The following FTCDNL1 variants were observed in gnomAD, a reference collection of about 807,000 sequenced individuals.
FTCDNL1 encodes formiminotransferase N-terminal subdomain-containing protein.
In FTCDNL1, 11 loss-of-function variants were observed where a neutral mutation model predicts 5.9. That is an observed-to-expected ratio of 1.87 (90% confidence interval 1.18 to 3.10). The LOEUF (loss-of-function observed/expected upper bound fraction) is 3.10. Ranked by LOEUF, FTCDNL1 falls within the 30% of genes most tolerant of loss-of-function variation. FTCDNL1 has a pLI of 0.00. For synonymous variants in FTCDNL1, 58 were observed against 24.8 expected (o/e 2.34, Z -3.99); for missense variants, 115 against 65.5 (o/e 1.76, Z -2.61).
At chr2:199,693,297 T>C in the FTCDNL1 span, among the ~76,000 whole-genome samples, 1 of 152,218 alleles carries the variant, frequency 6.6e-6, no homozygotes, top group Non-Finnish European at 1.5e-5. Context: ...TGCATATTAA[T>C]ACTTGCCAAT....
the FTCDNL1 span, among the ~76,000 whole-genome samples, chr2:199,736,197 G>A: frequency 0.096 from 14,547 of 152,256 alleles, 894 homozygotes; most frequent in Middle Eastern, 0.14. Context: ...ATATTTGACA[G>A]TGATAAAGAG....
At chr2:199,756,240 A>T (rs1698068950), downstream of FTCDNL1, among the ~76,000 whole-genome samples, 1 of 152,228 alleles carries the variant, frequency 6.6e-6, no homozygotes. Flanking sequence ...TAAGCTTGTG[A>T]GACATACTTT....
chr2:199,843,551 G>A (rs1171674219), intron 3 of FTCDNL1, among the ~76,000 whole-genome samples: 1 of 152,250 alleles, frequency 6.6e-6, no homozygotes, highest in East Asian at 1.9e-4. Context: ...CATAAGTAGT[G>A]AGGTACTCCT....
At chr2:199,686,219 T>TTATC in the FTCDNL1 span, among the ~76,000 whole-genome samples, 1 of 151,460 alleles carries the variant, frequency 6.6e-6, no homozygotes, top group Non-Finnish European at 1.5e-5. Flanking sequence ...TCACATTTAT[T>TTATC]TTTGTTATGC....
At chr2:199,722,278 T>C in the FTCDNL1 span, among the ~76,000 whole-genome samples, 18 of 152,240 alleles carry the variant, frequency 1.2e-4, no homozygotes, top group African/African-American at 3.9e-4. Context: ...TTTAAGTCTT[T>C]GGTGCATCTT....
chr2:199,759,781 CA>C (rs1698196025), downstream of FTCDNL1, among the ~76,000 whole-genome samples: 1 of 151,998 alleles, frequency 6.6e-6, no homozygotes, highest in African/African-American at 2.4e-5. Flanking sequence ...CTGATAAAAC[CA>C]ATTGTTTCTC....
chr2:199,728,154 AT>A, the FTCDNL1 span, among the ~76,000 whole-genome samples: 30 of 152,182 alleles, frequency 2.0e-4, no homozygotes, highest in African/African-American at 7.2e-4. Flanking sequence ...GCCTTCCCCC[AT>A]GCTCTACTAT....
At chr2:199,825,911 G>C (rs1199155813) in intron 3 of FTCDNL1, among the ~76,000 whole-genome samples, 1 of 152,196 alleles carries the variant, frequency 6.6e-6, no homozygotes, top group Non-Finnish European at 1.5e-5. Flanking sequence ...ATGAGAAATG[G>C]GAGAATATTT....
intron 3 of FTCDNL1, among the ~76,000 whole-genome samples, chr2:199,788,891 T>C (rs1272660127): frequency 6.6e-6 from 1 of 152,028 alleles, no homozygotes; most frequent in Non-Finnish European, 1.5e-5. Context: ...GAGAATTCTA[T>C]GTGTAACTCT....
At chr2:199,838,361 T>G (rs1036820947) in intron 3 of FTCDNL1, among the ~76,000 whole-genome samples, 1 of 152,154 alleles carries the variant, frequency 6.6e-6, no homozygotes, top group African/African-American at 2.4e-5. Flanking sequence ...CCAAGAGAAG[T>G]AGGGACTTCC....
At chr2:199,696,836 G>T in the FTCDNL1 span, among the ~76,000 whole-genome samples, 1 of 152,154 alleles carries the variant, frequency 6.6e-6, no homozygotes, top group Admixed American at 6.5e-5. Flanking sequence ...GTAGAATTCA[G>T]AATCTGGATA....
At chr2:199,664,519 G>C in the FTCDNL1 span, among the ~76,000 whole-genome samples, 1 of 152,112 alleles carries the variant, frequency 6.6e-6, no homozygotes, top group East Asian at 1.9e-4. Flanking sequence ...AATAAAATTT[G>C]AAATAACAGA....
At position 199,767,455 on chromosome 2, in the gene FTCDNL1, T is replaced by C. The variant is rs971059530; in HGVS notation, c.212-6620A>G. On this transcript the variant is annotated intron_variant, in intron 3 of 3. Coordinates refer to the FTCDNL1 transcript ENST00000416668. The stretch of plus-strand genomic sequence containing the variant: ...ATCTATTGGTATTAACTCAATCTTT[T>C]AGGACAATAAAAGAACTGCATTAAT... Among the ~76,000 whole-genome samples the C allele has an allele frequency of 3.9e-5, 6 of 152,336 alleles. No individual in the cohort carries two copies. In the South Asian group the frequency reaches 1.2e-3, roughly 32 times the overall value.
chr2:199,747,735 G>A, the FTCDNL1 span, among the ~76,000 whole-genome samples: 2 of 152,160 alleles, frequency 1.3e-5, no homozygotes, highest in Admixed American at 6.5e-5. Context: ...GCAGAATGGT[G>A]AGAGCTAAAA....
the FTCDNL1 span, among the ~76,000 whole-genome samples, chr2:199,741,464 A>G: frequency 6.6e-6 from 1 of 152,220 alleles, no homozygotes; most frequent in Non-Finnish European, 1.5e-5. Flanking sequence ...AACTAATTCA[A>G]CATTTTATTT....
chr2:199,799,565 G>C (rs1041358478), intron 3 of FTCDNL1, among the ~76,000 whole-genome samples: 1 of 152,178 alleles, frequency 6.6e-6, no homozygotes, highest in African/African-American at 2.4e-5. Flanking sequence ...AAGAGTACAA[G>C]AGAATTTAGC....
At chr2:199,826,590 G>A (rs1702052174) in intron 3 of FTCDNL1, among the ~76,000 whole-genome samples, 1 of 151,832 alleles carries the variant, frequency 6.6e-6, no homozygotes, top group Admixed American at 6.6e-5. Context: ...AGGTCGACAG[G>A]TCAAGCCCAG....
chr2:199,692,734 T>C, the FTCDNL1 span, among the ~76,000 whole-genome samples: 637 of 152,344 alleles, frequency 4.2e-3, 6 homozygotes, highest in African/African-American at 0.015. Flanking sequence ...TTAACTTGCA[T>C]GGCCCATTGT....
chr2:199,702,333 C>A, the FTCDNL1 span, among the ~76,000 whole-genome samples: 1 of 152,000 alleles, frequency 6.6e-6, no homozygotes, highest in African/African-American at 2.4e-5. Context: ...AGTCTTAAAC[C>A]AGAATTCGAG....
Sources: allele counts gnomAD v4.1 joint callset (sites outside exome capture counted in the v4.1 genomes callset), GRCh38; gene constraint gnomAD v4.1.1; transcripts MANE v1.5; gene names NCBI Gene and HGNC (gene_info 2026-07-23, HGNC 2026-07-21).